The following NFIB variants were observed in gnomAD, a reference collection of about 807,000 sequenced individuals.
NFIB encodes the protein nuclear factor I B.
A neutral mutation model predicts 61.5 loss-of-function variants in NFIB; 11 were observed. That is an observed-to-expected ratio of 0.18 (90% CI 0.11 to 0.30). NFIB has a LOEUF of 0.30. Among genes scored for constraint, NFIB ranks in the 10% least tolerant of loss-of-function variants. The pLI is 1.00. For synonymous variants in NFIB, 260 were observed against 216.5 expected (o/e 1.20, Z -1.76); for missense variants, 471 against 608.9 (o/e 0.77, Z 2.38).
chr9:14,236,548 G>C (rs1211842541), intron 2 of NFIB, among the ~76,000 whole-genome samples: 18 of 152,154 alleles, frequency 1.2e-4, no homozygotes, highest in Admixed American at 1.2e-3. Context: ...AGCCACTTAA[G>C]ATCACACTCA....
the NFIB span, among the ~76,000 whole-genome samples, chr9:14,503,088 G>GTATA: frequency 7.5e-3 from 1,108 of 147,416 alleles, 11 homozygotes; most frequent in African/African-American, 0.022. Context: ...GTATTTTATG[G>GTATA]TATATATATA....
At chr9:14,312,469 G>T (rs574807094) in intron 1 of NFIB, among the ~76,000 whole-genome samples, 3 of 152,312 alleles carry the variant, frequency 2.0e-5, no homozygotes, top group South Asian at 2.1e-4. Flanking sequence ...CATACCTTTA[G>T]AGGTTTAAAA....
chr9:14,395,546 C>G (rs2061674510), intron 1 of NFIB, among the ~76,000 whole-genome samples: 1 of 151,776 alleles, frequency 6.6e-6, no homozygotes, highest in African/African-American at 2.4e-5. Context: ...ATAAAGCTCC[C>G]TTAATCCACA....
At chr9:14,133,856 T>C (rs1455524956) in intron 6 of NFIB, among the ~76,000 whole-genome samples, 6 of 152,182 alleles carry the variant, frequency 3.9e-5, no homozygotes, top group Non-Finnish European at 7.3e-5. Context: ...CAGCAATCCT[T>C]ACTTTAACAG....
chr9:14,472,724 C>T, the NFIB span, among the ~76,000 whole-genome samples: 1 of 151,882 alleles, frequency 6.6e-6, no homozygotes, highest in African/African-American at 2.4e-5. Flanking sequence ...GCCTGTAGTC[C>T]CAGCTACTCG....
At chr9:14,432,108 A>G in the NFIB span, among the ~76,000 whole-genome samples, 1 of 152,178 alleles carries the variant, frequency 6.6e-6, no homozygotes, top group Middle Eastern at 3.2e-3. Flanking sequence ...ATCTCTCCCC[A>G]TGTACACAGT....
chr9:14,097,875 C>CTTTTTCTTTTTT (rs1554630194), intron 10 of NFIB, among the ~76,000 whole-genome samples: 1 of 110,838 alleles, frequency 9.0e-6, no homozygotes, highest in South Asian at 3.5e-4. Context: ...TTTCTTTTTT[C>CTTTTTCTTTTTT]TTTTTTTTTT....
intron 2 of NFIB, among the ~76,000 whole-genome samples, chr9:14,284,725 C>A (rs1321223535): frequency 6.6e-6 from 1 of 152,082 alleles, no homozygotes; most frequent in Non-Finnish European, 1.5e-5. Flanking sequence ...CTTTTCAAAT[C>A]AATAAGAAAA....
the NFIB span, among the ~76,000 whole-genome samples, chr9:14,445,898 T>G: frequency 1.2e-4 from 18 of 152,294 alleles, no homozygotes; most frequent in Non-Finnish European, 1.5e-5. Flanking sequence ...TCTTGATGCC[T>G]AAATAACATC....
intron 2 of NFIB, among the ~76,000 whole-genome samples, chr9:14,276,598 G>C (rs2058018884): frequency 6.6e-6 from 1 of 152,042 alleles, no homozygotes. Flanking sequence ...GAAATACTGG[G>C]TAACTTATTG....
intron 2 of NFIB, among the ~76,000 whole-genome samples, chr9:14,188,121 T>C (rs976972299): frequency 6.6e-6 from 1 of 152,228 alleles, no homozygotes; most frequent in Non-Finnish European, 1.5e-5. Flanking sequence ...AAAAACACCG[T>C]ACTGGTCATT....
At chr9:14,240,391 G>C (rs981014208) in intron 2 of NFIB, among the ~76,000 whole-genome samples, 2 of 152,076 alleles carry the variant, frequency 1.3e-5, no homozygotes, top group African/African-American at 4.8e-5. Context: ...TGAAGCATAT[G>C]GCTGGGGAGC....
At chr9:14,524,206 G>C in the NFIB span, among the ~76,000 whole-genome samples, 1 of 152,132 alleles carries the variant, frequency 6.6e-6, no homozygotes, top group Admixed American at 6.5e-5. Context: ...TTGCACACTT[G>C]AGCAACTAAA....
chr9:14,317,776 T>C (rs2132799758), upstream of NFIB, among the ~76,000 whole-genome samples: 1 of 152,308 alleles, frequency 6.6e-6, no homozygotes, highest in East Asian at 1.9e-4. Flanking sequence ...TGGATTTCGG[T>C]GCATGGGATG....
At chr9:14,475,040 C>G in the NFIB span, among the ~76,000 whole-genome samples, 1 of 152,222 alleles carries the variant, frequency 6.6e-6, no homozygotes, top group African/African-American at 2.4e-5. Context: ...CTTGCAGAAA[C>G]TCTCTCACAG....
At chr9:14,094,758 C>T (rs1012283653) in intron 10 of NFIB, among the ~76,000 whole-genome samples, 1 of 152,048 alleles carries the variant, frequency 6.6e-6, no homozygotes, top group African/African-American at 2.4e-5. Context: ...GAAAGAGAAA[C>T]ATATTTGTTT....
In NFIB at chr9:14,368,318, A is replaced by G. The variant is rs151064647; in HGVS notation, c.108+30206T>C. ...AGGTAGTAATATGGTAAAGATTTCC[A>G]CCCCAGAATGACTTTAAGTAGTTTG... On this transcript the variant is annotated intron_variant, in intron 1 of 8. Transcript: ENST00000380934. Among the ~76,000 whole-genome samples the G allele has an allele frequency of 1.1e-4, 16 of 152,320 alleles. No homozygotes were observed. The East Asian group carries it at 2.7e-3, about 26-fold the overall frequency.
intron 3 of NFIB, among the ~76,000 whole-genome samples, chr9:14,171,855 G>A (rs12351537): frequency 0.061 from 9,341 of 152,086 alleles, 860 homozygotes; most frequent in African/African-American, 0.2. Flanking sequence ...TATTTCAAAG[G>A]TAAACATCTA....
chr9:14,248,431 G>A (rs560491524), intron 2 of NFIB, among the ~76,000 whole-genome samples: 23 of 151,444 alleles, frequency 1.5e-4, no homozygotes, highest in East Asian at 9.8e-4. Flanking sequence ...CCACCATGTC[G>A]GACTAATCTT....
Sources: gnomAD v4.1 joint callset for allele counts (sites outside exome capture counted in the v4.1 genomes callset) on GRCh38, gnomAD v4.1.1 for gene constraint, MANE v1.5 for transcripts, NCBI Gene and HGNC (gene_info 2026-07-23, HGNC 2026-07-21) for gene names.